The following ZNF91 variants were observed in gnomAD, a reference collection of about 807,000 sequenced individuals.
ZNF91 encodes zinc finger protein 91 (HPF7, HTF10).
ZNF91 carries 7 observed loss-of-function variants against 12.6 expected under a neutral mutation model. That is an observed-to-expected ratio of 0.55 (90% confidence interval 0.31 to 1.04). The LOEUF (loss-of-function observed/expected upper bound fraction) is 1.04, where lower values mean the gene tolerates loss of function less well. Ranked by LOEUF, ZNF91 falls within the 50% of genes least tolerant of loss-of-function variation. The pLI is 0.05. For missense variants in ZNF91, 1,217 were observed against 1,385.4 expected, an observed-to-expected ratio of 0.88 and a Z score of 1.93; for synonymous variants, 453 against 462.6, an observed-to-expected ratio of 0.98 and a Z score of 0.27.
rs58809997 is a variant in ZNF91 at position 23,341,782 on chromosome 19, C to T, written c.254-2728G>A. On this transcript the variant is annotated intron_variant, in intron 3 of 3. Coordinates refer to the ZNF91 transcript ENST00000599743. ...ATTTCTGAAACAAATCTTAATATCACCACTCCTCTTACACATTTCAGACAT... is the reference window on the plus strand; with the variant it reads ...ATTTCTGAAACAAATCTTAATATCATCACTCCTCTTACACATTTCAGACAT... Among the ~76,000 whole-genome samples the T allele has an allele frequency of 3.6e-3, 551 of 152,198 alleles. 2 individuals are homozygous for T. Among genetic ancestry groups the T allele is most frequent in the African/African-American group, 0.013 (528 of 41,524 alleles).
chr19:23,322,219 T>TG (rs1434639098), intron 1 of ZNF91, among the ~76,000 whole-genome samples: 1 of 152,210 alleles, frequency 6.6e-6, no homozygotes, highest in Non-Finnish European at 1.5e-5. Flanking sequence ...GCCATATCTC[T>TG]GGGGCTCTCA....
intron 1 of ZNF91, among the ~76,000 whole-genome samples, chr19:23,316,604 G>C (rs1376707524): frequency 6.6e-6 from 1 of 152,134 alleles, no homozygotes; most frequent in East Asian, 1.9e-4. Context: ...TGACTCTCCT[G>C]TTTGCTCCCT....
At chr19:23,367,328 A>C (rs1271117568) in intron 3 of ZNF91, among the ~76,000 whole-genome samples, 1 of 152,014 alleles carries the variant, frequency 6.6e-6, no homozygotes, top group Non-Finnish European at 1.5e-5. Flanking sequence ...ACAACAAATA[A>C]ATTTAAGAAT....
intron 1 of ZNF91, among the ~76,000 whole-genome samples, chr19:23,387,660 C>T (rs1969916750): frequency 6.6e-6 from 1 of 151,938 alleles, no homozygotes; most frequent in Non-Finnish European, 1.5e-5. Context: ...TATTGCTTGG[C>T]CCACCACGAT....
rs766964707 is a variant in ZNF91, at chr19:23,359,400, T to G, written c.*3A>C. On this transcript the variant is annotated 3_prime_UTR_variant, in exon 4 of 4. Coordinates refer to ENST00000300619, the MANE Select transcript of ZNF91 (RefSeq NM_003430.4). ...ACCACGCCCGGCTAATTTTTTGTATTTTTTAGTAGAGAAGGGGTTTCACTG... is the reference window on the plus strand; with the variant it reads ...ACCACGCCCGGCTAATTTTTTGTATGTTTTAGTAGAGAAGGGGTTTCACTG... 5 of 1,045,204 alleles carry G rather than the reference T, an allele frequency of 4.8e-6. No individual in the cohort carries two copies. In the African/African-American group the frequency reaches 8.2e-5, roughly 17 times the overall value. The allele number at this position is 1,045,204 out of a possible 1,614,324, so 64.7% of individuals were successfully genotyped here. A position where few individuals can be genotyped will look rare whatever the true frequency, so the allele number is the denominator to read the frequency against.
At chr19:23,308,990 A>T (rs764954204) in exon 2 of ZNF91, 9 of 152,036 alleles carry the variant, frequency 5.9e-5, no homozygotes, top group South Asian at 2.1e-4. Flanking sequence ...GCTGAGTCCA[A>T]CACCTAGAAG....
At chr19:23,380,458 T>C (rs1969670857) in intron 1 of ZNF91, 2 of 152,026 alleles carry the variant, frequency 1.3e-5, no homozygotes, top group South Asian at 2.1e-4. Context: ...TGCATCCAGA[T>C]AGAGATAGCT....
chr19:23,337,471 C>CAAAA (rs34158184), downstream of ZNF91, among the ~76,000 whole-genome samples: 6 of 122,246 alleles, frequency 4.9e-5, no homozygotes, highest in East Asian at 1.4e-3. Context: ...GTAATAACTT[C>CAAAA]AAAAAAAAAA....
In ZNF91 at chr19:23,361,274, C is replaced by A. The variant is rs1484088902; in HGVS notation, c.1705G>T (p.Ala569Ser). 1 of 1,608,120 alleles carries A rather than the reference C, an allele frequency of 6.2e-7. No individual in the cohort carries two copies. The stretch of plus-strand genomic sequence containing the variant: ...TCACATTTGTAGAGTTTCTTTCCAG[C>A]ATGAATTATTTTATGTGTAGTAAGG... The part of the protein sequence containing the change: ...STLTTHKIIH[A>S]GKKLYKCEEC... The change falls in exon 4 of 4, where the codon GCT becomes TCT. Residue 569 changes from alanine (A) to serine (S), a missense_variant. Around this residue, in one of 2 missense-constraint regions of ZNF91, gnomAD observed 726 missense variants for 895.5 expected, o/e 0.81. Coordinates refer to ENST00000300619, the MANE Select transcript of ZNF91 (RefSeq NM_003430.4).
rs1834210639 is a variant in ZNF91 at position 23,330,597 on chromosome 19, A to G, written n.117-21500T>C. The stretch of plus-strand genomic sequence containing the variant: ...GATTTTTCATCTCTTGCTTGAGCCC[A>G]TGGATAATTCTGCATCACCACACCA... On this transcript the variant is annotated intron_variant and non_coding_transcript_variant, in intron 1 of 1. Coordinates refer to the ZNF91 transcript ENST00000596528. Among the ~76,000 whole-genome samples the G allele has an allele frequency of 2.0e-5, 3 of 152,268 alleles. 1 individual carries two copies. The highest frequency in any genetic ancestry group is 4.1e-4 in the South Asian group (2 of 4,826).
rs374246989 is a variant in ZNF91, at chr19:23,331,705, G to C, written n.117-22608C>G. 1.3e-4 allele frequency among the ~76,000 whole-genome samples: 20 copies of C among 152,270 alleles called. 1 individual carries two copies. In the South Asian group the frequency reaches 3.3e-3, roughly 25 times the overall value. Reference sequence around the variant, plus strand: ...GCTTGCTGTGCGCCTTTGTTACTCTGTTCTGCACTGGAGAGTGGATAGTGT... The same window carrying C: ...GCTTGCTGTGCGCCTTTGTTACTCTCTTCTGCACTGGAGAGTGGATAGTGT... On this transcript the variant is annotated intron_variant and non_coding_transcript_variant, in intron 1 of 1. Transcript: ENST00000596528.
upstream of ZNF91, among the ~76,000 whole-genome samples, chr19:23,315,578 G>A (rs1384827477): frequency 4.6e-5 from 7 of 152,142 alleles, no homozygotes; most frequent in South Asian, 2.1e-4. Context: ...TGTGATTCTC[G>A]TTTTCTTTCT....
chr19:23,329,458 ATGCTTAATGTCTTAGAGATG>A (rs1418813766), intron 1 of ZNF91, among the ~76,000 whole-genome samples: 58 of 152,332 alleles, frequency 3.8e-4, no homozygotes, highest in African/African-American at 1.3e-3. Context: ...GTCTTGTGAT[ATGCTTAATGTCTTAGAGATG>A]TATCAATATT....
intron 3 of ZNF91, among the ~76,000 whole-genome samples, chr19:23,372,184 T>C (rs1969306720): frequency 2.0e-5 from 3 of 150,008 alleles, no homozygotes; most frequent in East Asian, 3.9e-4. Flanking sequence ...AAGTAGAAAA[T>C]AAAAATAAAA....
chr19:23,313,844 C>T (rs571170822), upstream of ZNF91, among the ~76,000 whole-genome samples: 18 of 152,318 alleles, frequency 1.2e-4, no homozygotes, highest in South Asian at 3.7e-3. Flanking sequence ...TTGAAGTTCT[C>T]ATGCACAAAT....
intron 3 of ZNF91, among the ~76,000 whole-genome samples, chr19:23,350,758 T>C (rs1354505714): frequency 6.6e-6 from 1 of 152,056 alleles, no homozygotes; most frequent in African/African-American, 2.4e-5. Flanking sequence ...AGGAGACACA[T>C]TCCACCTGAA....
intron 1 of ZNF91, among the ~76,000 whole-genome samples, chr19:23,389,332 C>A (rs1462212928): frequency 6.6e-6 from 1 of 151,018 alleles, no homozygotes; most frequent in African/African-American, 2.4e-5. Flanking sequence ...AAACAGCCTG[C>A]TGCTGCAGAT....
chr19:23,360,717 G>C lies in ZNF91; in HGVS notation c.2262C>G (p.Ser754=). The change falls in exon 4 of 4, where the codon TCC becomes TCG. Residue 754 remains serine, a synonymous_variant. Transcript: ENST00000300619. ...CEECGKAFNW[S]SSLTKHKRIH... is the part of the protein sequence containing the mutation. Reference sequence around the variant, plus strand: ...TTCTTTTATGTTTAGTAAGGCTTGAGGACCAGTTAAATGCTTTGCCACATT... The same window carrying C: ...TTCTTTTATGTTTAGTAAGGCTTGACGACCAGTTAAATGCTTTGCCACATT... 6.2e-7 allele frequency: 1 copy of C among 1,613,200 alleles called. No individual in the cohort carries two copies. The highest frequency in any genetic ancestry group is 8.5e-7 in the Non-Finnish European group (1 of 1,179,774).
chr19:23,385,880 A>G (rs765202346), intron 1 of ZNF91, among the ~76,000 whole-genome samples: 1 of 152,184 alleles, frequency 6.6e-6, no homozygotes, highest in African/African-American at 2.4e-5. Context: ...ACTGTCAGCT[A>G]CATGTTGGTA....
Sources: allele counts gnomAD v4.1 joint callset (sites outside exome capture counted in the v4.1 genomes callset), GRCh38; gene constraint gnomAD v4.1.1; regional missense constraint gnomAD v4.1.1; transcripts MANE v1.5; gene names NCBI Gene and HGNC (gene_info 2026-07-23, HGNC 2026-07-21).